Variants in CATSPERT observed in about 807,000 individuals in gnomAD.
CATSPERT encodes cation channel sperm-associated targeting subunit tau.
At chr2:201,603,903 T>C in the CATSPERT span, among the ~76,000 whole-genome samples, 1 of 152,120 alleles carries the variant, frequency 6.6e-6, no homozygotes, top group Non-Finnish European at 1.5e-5. Context: ...AACAGAAATA[T>C]TATATTAAAC....
At chr2:201,589,305 C>A in the CATSPERT span, among the ~76,000 whole-genome samples, 1 of 152,184 alleles carries the variant, frequency 6.6e-6, no homozygotes. Flanking sequence ...CAAAGCAATC[C>A]TAAGCAAAAA....
the CATSPERT span, chr2:201,492,116 A>C: frequency 5.2e-6 from 8 of 1,526,734 alleles, no homozygotes; most frequent in East Asian, 1.5e-4. Context: ...TCTCGAATCA[A>C]TTCTGCTTCT....
At chr2:201,539,511 GTTTTTTTTTTTTTTTT>G in the CATSPERT span, among the ~76,000 whole-genome samples, 2 of 89,730 alleles carry the variant, frequency 2.2e-5, no homozygotes, top group African/African-American at 4.2e-5. Context: ...TTTTAACGAG[GTTTTTTTTTTTTTTTT>G]TTGTAAATCT....
chr2:201,517,769 C>A, the CATSPERT span, among the ~76,000 whole-genome samples: 16 of 152,182 alleles, frequency 1.1e-4, no homozygotes, highest in Non-Finnish European at 1.3e-4. Flanking sequence ...GCTTGTTGGG[C>A]CCTTTCTACC....
the CATSPERT span, chr2:201,619,119 G>T: frequency 3.7e-6 from 6 of 1,614,000 alleles, no homozygotes; most frequent in African/African-American, 2.7e-5. Context: ...TTGTCTCTTG[G>T]GGTGGCTCCA....
chr2:201,519,577 T>C, the CATSPERT span, among the ~76,000 whole-genome samples: 2 of 151,554 alleles, frequency 1.3e-5, no homozygotes, highest in African/African-American at 4.9e-5. Context: ...AACACTGAGA[T>C]ACAAGAGAAT....
the CATSPERT span, chr2:201,494,784 A>G: frequency 2.7e-6 from 4 of 1,471,996 alleles, no homozygotes; most frequent in East Asian, 7.4e-5. Context: ...AAAAGGTAAG[A>G]CATTTGGTAG....
At chr2:201,523,532 C>T in the CATSPERT span, among the ~76,000 whole-genome samples, 1 of 152,212 alleles carries the variant, frequency 6.6e-6, no homozygotes, top group Non-Finnish European at 1.5e-5. Flanking sequence ...GGAACATCAG[C>T]TCACACAGAT....
chr2:201,496,121 T>G, the CATSPERT span: 1 of 424,408 alleles, frequency 2.4e-6, no homozygotes, highest in Non-Finnish European at 4.1e-6. Flanking sequence ...GAAAGAAATC[T>G]ATATACATAT....
chr2:201,610,938 A>G, the CATSPERT span, among the ~76,000 whole-genome samples: 1 of 152,174 alleles, frequency 6.6e-6, no homozygotes, highest in East Asian at 1.9e-4. Context: ...ATGATAAAAA[A>G]AAATTCAACA....
At chr2:201,523,575 C>A in the CATSPERT span, among the ~76,000 whole-genome samples, 11 of 152,206 alleles carry the variant, frequency 7.2e-5, no homozygotes, top group Non-Finnish European at 1.3e-4. Context: ...TCTGGCAACT[C>A]TAAAAGCCAG....
At chr2:201,502,275 G>A in the CATSPERT span, among the ~76,000 whole-genome samples, 1 of 152,076 alleles carries the variant, frequency 6.6e-6, no homozygotes, top group Non-Finnish European at 1.5e-5. Flanking sequence ...GCCTTTCATA[G>A]TCTAATAAGA....
chr2:201,545,482 G>T, the CATSPERT span: 1 of 1,106,222 alleles, frequency 9.0e-7, no homozygotes, highest in Non-Finnish European at 1.3e-6. Context: ...TTGTCTTTTT[G>T]TGATATAATC....
chr2:201,497,143 G>C, the CATSPERT span, among the ~76,000 whole-genome samples: 1 of 152,120 alleles, frequency 6.6e-6, no homozygotes, highest in Non-Finnish European at 1.5e-5. Context: ...GATACTTTTA[G>C]GTTATTTTAA....
chr2:201,492,773 C>T, the CATSPERT span: 2 of 1,536,248 alleles, frequency 1.3e-6, no homozygotes, highest in East Asian at 4.9e-5. Flanking sequence ...CCTTTCTGCT[C>T]TGCTTTCTCA....
chr2:201,603,467 T>C, the CATSPERT span, among the ~76,000 whole-genome samples: 1 of 152,030 alleles, frequency 6.6e-6, no homozygotes, highest in African/African-American at 2.4e-5. Flanking sequence ...AGAAGAAAAA[T>C]GCGCAGGCCA....
the CATSPERT span, among the ~76,000 whole-genome samples, chr2:201,498,948 C>T: frequency 3.0e-5 from 4 of 134,926 alleles, no homozygotes; most frequent in African/African-American, 1.1e-4. Flanking sequence ...AATTAGATAC[C>T]TAAAAGGGGA....
chr2:201,617,252 C>T, the CATSPERT span, among the ~76,000 whole-genome samples: 24 of 152,306 alleles, frequency 1.6e-4, no homozygotes, highest in East Asian at 3.9e-3. Context: ...ATTGCCAAGA[C>T]AATCCTAAGC....
At chr2:201,493,458 C>T in the CATSPERT span, 216 of 1,537,018 alleles carry the variant, frequency 1.4e-4, no homozygotes, top group South Asian at 1.9e-4. Context: ...AAGTGATCCC[C>T]GTACCCAGCA....
Sources: gnomAD v4.1 joint callset for allele counts (sites outside exome capture counted in the v4.1 genomes callset) on GRCh38, gnomAD v4.1.1 for gene constraint, MANE v1.5 for transcripts, NCBI Gene and HGNC (gene_info 2026-07-23, HGNC 2026-07-21) for gene names.